MCF2L: variants seen among roughly 807,000 people sequenced by gnomAD.
MCF2L encodes guanine nucleotide exchange factor DBS.
Under a neutral mutation model 153.4 loss-of-function variants are expected in MCF2L, and 97 were observed. That is an observed-to-expected ratio of 0.63 (90% CI 0.54 to 0.75). MCF2L has a LOEUF of 0.75. MCF2L is among the 30% of genes least tolerant of loss of function. MCF2L has a pLI of 0.00. For synonymous variants in MCF2L, 659 were observed against 632.2 expected (o/e 1.04, Z -0.64); for missense variants, 1,347 against 1,495.2 (o/e 0.90, Z 1.64).
Position 113,013,298 on chromosome 13 carries a change from A to G in MCF2L, c.80-1465A>G, listed in dbSNP as rs113810260. On this transcript the variant is annotated intron_variant, in intron 1 of 29. Transcript: ENST00000535094. ...GCCGAGACGTGGTTGCGTACTGGGA[A>G]TGGGTCTGTGCCCTGAGCTCGCCCT... Among the ~76,000 whole-genome samples, 219 of 152,282 alleles carry G rather than the reference A, an allele frequency of 1.4e-3. 2 individuals carry two copies. Among genetic ancestry groups the G allele is most frequent in the African/African-American group, 4.7e-3 (196 of 41,564 alleles).
At chr13:113,091,180 C>G in intron 26 of MCF2L, 1 of 1,304,446 alleles carries the variant, frequency 7.7e-7, no homozygotes, top group Non-Finnish European at 1.0e-6. Context: ...CGACCCGACT[C>G]CCTTTGGTGT....
At chr13:113,091,993 C>A (rs1421579837) in intron 26 of MCF2L, among the ~76,000 whole-genome samples, 1 of 152,210 alleles carries the variant, frequency 6.6e-6, no homozygotes, top group East Asian at 1.9e-4. Context: ...AGTTCAGAGG[C>A]AGGGAGCTGG....
Position 113,096,797 on chromosome 13 carries a change from C to T in MCF2L, c.3316C>T (p.Leu1106=), listed in dbSNP as rs868599962. The T allele has an allele frequency of 6.4e-7, 1 of 1,559,822 alleles. No individual in the cohort carries two copies. Among genetic ancestry groups the T allele is most frequent in the East Asian group, 2.5e-5 (1 of 40,816 alleles). ...SSESSPGSAV[L]SNSSSCSEGG... is the part of the protein sequence containing the mutation. ...AGAGTCGAGCCCGGGGTCGGCCGTG[C>T]TGAGCAACTCGTCCAGCTGCAGCGA... Residue 1106 remains leucine, a synonymous_variant, in exon 30 of 30, where the codon CTG becomes TTG. Coordinates refer to ENST00000535094, the MANE Select transcript of MCF2L (RefSeq NM_001112732.3).
chr13:112,925,050 T>G (rs1034637369), intron 2 of MCF2L, among the ~76,000 whole-genome samples: 3 of 152,232 alleles, frequency 2.0e-5, no homozygotes, highest in African/African-American at 4.8e-5. Flanking sequence ...AAGTCAGGTC[T>G]TCTTCACACC....
At chr13:113,017,215 C>T (rs1431916795) in intron 2 of MCF2L, among the ~76,000 whole-genome samples, 3 of 152,228 alleles carry the variant, frequency 2.0e-5, no homozygotes, top group African/African-American at 7.2e-5. Context: ...TGCCATGAAG[C>T]CCCCTTTTGT....
chr13:113,091,058 C>A, intron 26 of MCF2L: 1 of 1,296,384 alleles, frequency 7.7e-7, no homozygotes. Context: ...GCCTCCTCGC[C>A]GCCTCCCTCC....
chr13:113,001,975 C>G, intron 1 of MCF2L: 1 of 1,586,642 alleles, frequency 6.3e-7, no homozygotes, highest in Non-Finnish European at 8.5e-7. Context: ...CTGCTGAAGG[C>G]CGGCGCAGGT....
Position 113,045,102 on chromosome 13 carries a change from C to A in MCF2L, c.279-169C>A. On this transcript the variant is annotated intron_variant, in intron 3 of 29. Coordinates refer to ENST00000535094, the MANE Select transcript of MCF2L (RefSeq NM_001112732.3). This position sits in a 1 kb window ranked among gnomAD's most constrained non-coding sequence, Gnocchi z 4.2. The stretch of plus-strand genomic sequence containing the variant: ...TAGATGAGAGCAGGTTCTGGGACTG[C>A]GGGGATGGGGCTGCCGGGGCCCCCG... 2 of 914,748 alleles carry A rather than the reference C, an allele frequency of 2.2e-6. No individual in the cohort carries two copies. The highest frequency in any genetic ancestry group is 3.4e-6 in the Non-Finnish European group (2 of 589,822). The allele number at this position is 914,748 out of a possible 1,614,324, so 56.7% of individuals were successfully genotyped here.
chr13:113,019,153 A>G (rs1199790695), intron 2 of MCF2L, among the ~76,000 whole-genome samples: 3 of 152,290 alleles, frequency 2.0e-5, no homozygotes, highest in Non-Finnish European at 2.9e-5. Context: ...TTTTGGTCCC[A>G]GCTTACATCT....
intron 1 of MCF2L, among the ~76,000 whole-genome samples, chr13:112,979,034 G>A (rs987270612): frequency 6.6e-6 from 1 of 152,192 alleles, no homozygotes; most frequent in Admixed American, 6.5e-5. Context: ...GGCTTGGGAC[G>A]GGCTCAACAC....
intron 1 of MCF2L, among the ~76,000 whole-genome samples, chr13:112,982,614 A>G (rs539914426): frequency 6.6e-6 from 1 of 152,168 alleles, no homozygotes; most frequent in East Asian, 1.9e-4. Flanking sequence ...CGGGCGTCAC[A>G]GCTGTGCCGA....
chr13:113,027,693 A>G lies in MCF2L; in HGVS notation c.278+2935A>G, dbSNP rs1384150903. Among the ~76,000 whole-genome samples, 4 of 152,186 alleles carry G rather than the reference A, an allele frequency of 2.6e-5. No homozygotes were observed. The East Asian group carries it at 7.8e-4, about 30-fold the overall frequency. On this transcript the variant is annotated intron_variant, in intron 3 of 29. Transcript: ENST00000535094. This position sits in a 1 kb window ranked among gnomAD's most constrained non-coding sequence, Gnocchi z 4.8. The stretch of plus-strand genomic sequence containing the variant: ...GTGGGGCAAGGCTGCGATGCTGCAG[A>G]CGGTTTCCACACATTCCTCCCTGGT...
chr13:113,095,193 T>A (rs1480681151), intron 27 of MCF2L: 1 of 1,242,990 alleles, frequency 8.0e-7, no homozygotes, highest in Admixed American at 2.6e-5. Context: ...CATGTGTTAA[T>A]CATTCCAGTG....
chr13:112,899,529 C>T (rs1367184731), intron 1 of MCF2L, among the ~76,000 whole-genome samples: 1 of 152,234 alleles, frequency 6.6e-6, no homozygotes, highest in Non-Finnish European at 1.5e-5. Flanking sequence ...AGTTTCCAGA[C>T]TCTCTCTACC....
At chr13:112,987,311 C>CATGCAGCCCCCAGTGGGGGGCAGGG (rs11268184) in intron 1 of MCF2L, among the ~76,000 whole-genome samples, 11 of 151,716 alleles carry the variant, frequency 7.3e-5, no homozygotes, top group South Asian at 2.1e-4. Flanking sequence ...GCCTGGAGCA[C>CATGCAGCCCCCAGTGGGGGGCAGGG]ACCTTGTGGA....
Position 113,070,171 on chromosome 13 carries a change from G to A in MCF2L, c.994G>A (p.Glu332Lys). ...CCGGCACTTTGAGCAGGGCTTCCGG[G>A]AGGTGAGTGGCCCTGGGTGGAGCCG... ...QLRHFEQGFR[E>K]VKAILDAASQ... The change falls in exon 9 of 30, where the codon GAG becomes AAG. Residue 332 changes from glutamate to lysine, a missense_variant and splice_region_variant. Transcript: ENST00000535094. The surrounding 1 kb of genome is among the most constrained non-coding windows in gnomAD (Gnocchi z 5.6). 1 of 1,590,456 alleles carries A rather than the reference G, an allele frequency of 6.3e-7. No homozygotes were observed. Among genetic ancestry groups the A allele is most frequent in the Admixed American group, 1.8e-5 (1 of 55,688 alleles).
intron 4 of MCF2L, among the ~76,000 whole-genome samples, chr13:113,048,724 G>C (rs981673407): frequency 6.6e-6 from 1 of 152,132 alleles, no homozygotes; most frequent in Non-Finnish European, 1.5e-5. Context: ...TTACAGGTGT[G>C]AGCCACCGCG....
chr13:112,985,730 C>G (rs974382296), intron 1 of MCF2L, among the ~76,000 whole-genome samples: 1 of 152,236 alleles, frequency 6.6e-6, no homozygotes, highest in African/African-American at 2.4e-5. Flanking sequence ...CTCCTTTTGT[C>G]TGGCAAGCCT....
chr13:113,033,432 T>TGGCCCCCGTGGC (rs1555370964), intron 3 of MCF2L, among the ~76,000 whole-genome samples: 1 of 29,360 alleles, frequency 3.4e-5, no homozygotes. Flanking sequence ...GCCCCCATGA[T>TGGCCCCCGTGGC]GTGAGTGGCC....
Sources: allele counts gnomAD v4.1 joint callset (sites outside exome capture counted in the v4.1 genomes callset), GRCh38; gene constraint gnomAD v4.1.1; non-coding constraint Gnocchi (gnomAD v3.1); transcripts MANE v1.5; gene names NCBI Gene and HGNC (gene_info 2026-07-23, HGNC 2026-07-21).